CPEB4: variants seen among roughly 807,000 people sequenced by gnomAD.
CPEB4 encodes cytoplasmic polyadenylation element-binding protein 4.
In CPEB4, 12 loss-of-function variants were observed where a neutral mutation model predicts 72.5. That is an observed-to-expected ratio of 0.17 (90% CI 0.11 to 0.27). The LOEUF (loss-of-function observed/expected upper bound fraction) is 0.27. Among genes scored for constraint, CPEB4 ranks in the 10% least tolerant of loss-of-function variants. The pLI, the probability that CPEB4 is intolerant of heterozygous loss-of-function variation, is 1.00. For synonymous variants in CPEB4, 302 were observed against 326.3 expected (o/e 0.93, Z 0.80); for missense variants, 614 against 908.5 (o/e 0.68, Z 4.17).
chr5:173,948,386 C>A (rs1322988448), intron 5 of CPEB4, among the ~76,000 whole-genome samples: 1 of 152,086 alleles, frequency 6.6e-6, no homozygotes, highest in Admixed American at 6.6e-5. Flanking sequence ...GATTAACATG[C>A]CCTCCAGGTG....
chr5:173,901,260 C>G (rs954913725), intron 1 of CPEB4, among the ~76,000 whole-genome samples: 2 of 152,144 alleles, frequency 1.3e-5, no homozygotes, highest in Non-Finnish European at 2.9e-5. Flanking sequence ...ACATGGCAAC[C>G]AAATGGAGCT....
At chr5:173,941,809 C>T (rs1371589199) in intron 3 of CPEB4, among the ~76,000 whole-genome samples, 4 of 152,116 alleles carry the variant, frequency 2.6e-5, no homozygotes, top group Non-Finnish European at 4.4e-5. Context: ...ACCCGGGAGG[C>T]GGAGGCCGCA....
intron 1 of CPEB4, among the ~76,000 whole-genome samples, chr5:173,897,921 CA>C (rs539558991): frequency 5.3e-4 from 80 of 152,246 alleles, no homozygotes; most frequent in Non-Finnish European, 8.4e-4. Context: ...CCACAAAAGG[CA>C]AACTTTAACT....
chr5:173,948,139 T>C (rs1285537725), intron 5 of CPEB4, among the ~76,000 whole-genome samples: 1 of 152,164 alleles, frequency 6.6e-6, no homozygotes. Context: ...ATGGGACAGA[T>C]GGAAAACTCT....
At chr5:173,928,516 A>T (rs919003351) in intron 2 of CPEB4, among the ~76,000 whole-genome samples, 1 of 152,212 alleles carries the variant, frequency 6.6e-6, no homozygotes, top group Non-Finnish European at 1.5e-5. Context: ...TGCTTATATA[A>T]AAGCACATAT....
intron 1 of CPEB4, among the ~76,000 whole-genome samples, chr5:173,898,298 AT>A (rs1756098932): frequency 6.6e-6 from 1 of 152,166 alleles, no homozygotes; most frequent in Non-Finnish European, 1.5e-5. Context: ...AGTTGCTGCC[AT>A]TTTATTGTCT....
chr5:173,890,656 G>T lies in CPEB4; in HGVS notation c.923G>T (p.Gly308Val), dbSNP rs781198669. ...SWSPGGGGYG[G>V]WGGSQGRDHR... ...AGCCCGGGCGGTGGTGGATATGGTGGCTGGGGAGGTTCCCAAGGCCGAGAT... is the reference window on the plus strand; with the variant it reads ...AGCCCGGGCGGTGGTGGATATGGTGTCTGGGGAGGTTCCCAAGGCCGAGAT... Residue 308 changes from glycine to valine, a missense_variant, in exon 1 of 10, where the codon GGC (glycine) becomes GTC (valine). Gly to Val is a moderately radical substitution (Grantham distance 109, BLOSUM62 -3). This residue lies in a region of CPEB4 where 458 missense variants were observed against 548.6 expected (regional missense o/e 0.83). Transcript: ENST00000265085. 3.7e-6 allele frequency: 6 copies of T among 1,613,984 alleles called. No individual in the cohort carries two copies. The highest frequency in any genetic ancestry group is 5.1e-6 in the Non-Finnish European group (6 of 1,180,020).
At chr5:173,920,405 T>A (rs1398210716) in intron 2 of CPEB4, among the ~76,000 whole-genome samples, 1 of 152,238 alleles carries the variant, frequency 6.6e-6, no homozygotes, top group Non-Finnish European at 1.5e-5. Flanking sequence ...AAATAACTTT[T>A]AAAAATCTAA....
At chr5:173,913,469 A>T (rs1294899890) in intron 2 of CPEB4, among the ~76,000 whole-genome samples, 1 of 152,182 alleles carries the variant, frequency 6.6e-6, no homozygotes, top group African/African-American at 2.4e-5. Flanking sequence ...AAGTGCTGGG[A>T]TTACAGGCGT....
intron 1 of CPEB4, among the ~76,000 whole-genome samples, chr5:173,901,389 A>G (rs1756226071): frequency 1.3e-5 from 2 of 152,226 alleles, no homozygotes; most frequent in South Asian, 4.1e-4. Flanking sequence ...AGGAGCTATA[A>G]TGAAAAAGTA....
intron 3 of CPEB4, among the ~76,000 whole-genome samples, chr5:173,935,346 C>T (rs1433835830): frequency 6.6e-6 from 1 of 152,150 alleles, no homozygotes; most frequent in East Asian, 1.9e-4. Context: ...GTCCATGCAG[C>T]CTTTTCTTAA....
At chr5:173,937,575 A>G (rs1224093455) in intron 3 of CPEB4, among the ~76,000 whole-genome samples, 1 of 152,212 alleles carries the variant, frequency 6.6e-6, no homozygotes, top group Admixed American at 6.5e-5. Context: ...AAAGTGCTCT[A>G]CAATTGTTAA....
In CPEB4 at chr5:173,958,384, C is replaced by T. The variant is rs543055452; in HGVS notation, c.*2247C>T. On this transcript the variant is annotated 3_prime_UTR_variant, in exon 10 of 10. Transcript: ENST00000265085. ...CAATTTTTCATATTGCAAAGAGTAG[C>T]TTTTTGTACTTTTATTACTGAGAGA... 6 of 152,676 alleles carry T rather than the reference C, an allele frequency of 3.9e-5. No homozygotes were observed. In the East Asian group the frequency reaches 9.4e-4, roughly 24 times the overall value. 9.5% of individuals were successfully genotyped at this position (152,676 alleles called of 1,614,324 possible).
At chr5:173,917,683 G>A (rs1756921669) in intron 2 of CPEB4, among the ~76,000 whole-genome samples, 1 of 152,212 alleles carries the variant, frequency 6.6e-6, no homozygotes, top group South Asian at 2.1e-4. Context: ...CCAAGATCAA[G>A]CCATTGCACT....
intron 2 of CPEB4, among the ~76,000 whole-genome samples, chr5:173,921,153 G>A (rs10516107): frequency 0.22 from 33,757 of 152,036 alleles, 4,964 homozygotes; most frequent in Non-Finnish European, 0.31. Flanking sequence ...ATTTAAAGGT[G>A]TTGCTGAGTT....
chr5:173,912,341 A>G (rs59377239), intron 2 of CPEB4, among the ~76,000 whole-genome samples: 135 of 152,324 alleles, frequency 8.9e-4, no homozygotes, highest in African/African-American at 3.2e-3. Flanking sequence ...AAATATGAAT[A>G]AGGTCTGTGG....
intron 2 of CPEB4, among the ~76,000 whole-genome samples, chr5:173,911,273 G>GT (rs199961002): frequency 0.11 from 16,888 of 146,870 alleles, 1,163 homozygotes; most frequent in Middle Eastern, 0.21. Context: ...GGGCTTGCAT[G>GT]TTTTTATTTT....
chr5:173,948,342 A>C (rs1451554899), intron 5 of CPEB4, among the ~76,000 whole-genome samples: 1 of 152,134 alleles, frequency 6.6e-6, no homozygotes, highest in African/African-American at 2.4e-5. Context: ...AAAGGAGAAA[A>C]GGTTTGCTTG....
intron 1 of CPEB4, among the ~76,000 whole-genome samples, chr5:173,905,026 T>C: frequency 6.8e-6 from 1 of 147,490 alleles, no homozygotes; most frequent in African/African-American, 2.5e-5. Context: ...TAAAAAAATG[T>C]AACTTAGAAG....
Sources: allele counts gnomAD v4.1 joint callset (sites outside exome capture counted in the v4.1 genomes callset), GRCh38; gene constraint gnomAD v4.1.1; regional missense constraint gnomAD v4.1.1; transcripts MANE v1.5; gene names NCBI Gene and HGNC (gene_info 2026-07-23, HGNC 2026-07-21).